The following RHOBTB2 variants were observed in gnomAD, a reference collection of about 807,000 sequenced individuals.
RHOBTB2 encodes the protein Rho related BTB domain containing 2, also known as rho-related BTB domain-containing protein 2.
A neutral mutation model predicts 66.5 loss-of-function variants in RHOBTB2; 39 were observed. The ratio of observed to expected loss-of-function variants is 0.59; its 90% confidence interval spans 0.45 to 0.77. The LOEUF (loss-of-function observed/expected upper bound fraction) is 0.77, where lower values mean the gene tolerates loss of function less well. RHOBTB2 is among the 30% of genes least tolerant of loss of function. The pLI is 0.00. For missense variants in RHOBTB2, 755 were observed against 999.1 expected (o/e 0.76, Z 3.29); for synonymous variants, 390 against 395.0 (o/e 0.99, Z 0.15).
the RHOBTB2 span, among the ~76,000 whole-genome samples, chr8:22,979,000 A>C: frequency 2.6e-5 from 4 of 152,298 alleles, no homozygotes; most frequent in African/African-American, 9.6e-5. Flanking sequence ...CTTTATTAGA[A>C]TCTTTTATGA....
chr8:23,004,570 C>G lies in RHOBTB2; in HGVS notation c.136C>G (p.Leu46Val). 1.2e-6 allele frequency: 2 copies of G among 1,614,178 alleles called. 1 individual carries two copies. Among genetic ancestry groups the G allele is most frequent in the South Asian group, 2.2e-5 (2 of 91,090 alleles). Reference protein sequence around the residue: ...CNATLTQYQLLATHVPTVWAI... With the variant: ...CNATLTQYQLVATHVPTVWAI... Reference sequence around the variant, plus strand: ...TGCCACCCTCACCCAGTACCAGCTGCTGGCCACGCATGTGCCCACAGTATG... The same window carrying G: ...TGCCACCCTCACCCAGTACCAGCTGGTGGCCACGCATGTGCCCACAGTATG... The change falls in exon 2 of 10, where the codon CTG (leucine) becomes GTG (valine). Residue 46 changes from leucine to valine, a missense_variant. Leu to Val is a conservative substitution (Grantham distance 32). Coordinates refer to ENST00000251822, the MANE Select transcript of RHOBTB2 (RefSeq NM_015178.3). The surrounding 1 kb of genome is among the most constrained non-coding windows in gnomAD (Gnocchi z 6.4).
chr8:22,960,649 C>T, the RHOBTB2 span, among the ~76,000 whole-genome samples: 1 of 152,116 alleles, frequency 6.6e-6, no homozygotes, highest in Admixed American at 6.6e-5. Flanking sequence ...AGGGTACAAT[C>T]TTTGGCTACA....
Position 23,017,587 on chromosome 8 carries a change from C to A in RHOBTB2, c.*118C>A. 1 of 1,456,014 alleles carries A rather than the reference C, an allele frequency of 6.9e-7. No individual in the cohort carries two copies. The allele number at this position is 1,456,014 out of a possible 1,614,324, so 90.2% of individuals were successfully genotyped here. A position where few individuals can be genotyped will look rare whatever the true frequency, so the allele number is the denominator to read the frequency against. Reference sequence around the variant, plus strand: ...CCAGGGGGCCCACGTAACCAGGACCCAGAGGGTGGAGCTCTTCTTACCAGC... The same window carrying A: ...CCAGGGGGCCCACGTAACCAGGACCAAGAGGGTGGAGCTCTTCTTACCAGC... On this transcript the variant is annotated 3_prime_UTR_variant, in exon 10 of 10. Coordinates refer to ENST00000251822, the MANE Select transcript of RHOBTB2 (RefSeq NM_015178.3). This position sits in a 1 kb window ranked among gnomAD's most constrained non-coding sequence, Gnocchi z 5.3.
At chr8:22,975,531 G>A in the RHOBTB2 span, among the ~76,000 whole-genome samples, 1 of 152,180 alleles carries the variant, frequency 6.6e-6, no homozygotes, top group East Asian at 1.9e-4. Context: ...GCCAGGGGAT[G>A]TGAACTAAAA....
At chr8:22,999,498 C>A, upstream of RHOBTB2, 2 of 1,010,566 alleles carry the variant, frequency 2.0e-6, no homozygotes, top group Non-Finnish European at 2.4e-6. Flanking sequence ...CCCCGCCCGC[C>A]CCCTCCCCGC....
At chr8:22,973,418 T>TG in the RHOBTB2 span, among the ~76,000 whole-genome samples, 2 of 151,872 alleles carry the variant, frequency 1.3e-5, no homozygotes, top group Non-Finnish European at 2.9e-5. Context: ...TGTGTAGAGA[T>TG]GGGGTCTCCT....
In RHOBTB2 at chr8:23,007,128, C is replaced by G. The variant is rs1466836877; in HGVS notation, c.883C>G (p.Leu295Val). ...LSTSSSKFYD[L>V]FLMDLSEGEL... Reference sequence around the variant, plus strand: ...CACCTCTTCCTCCAAGTTCTATGACCTGTTCCTCATGGACCTGAGTGAGGG... The same window carrying G: ...CACCTCTTCCTCCAAGTTCTATGACGTGTTCCTCATGGACCTGAGTGAGGG... The change falls in exon 5 of 10, where the codon CTG becomes GTG. Residue 295 changes from leucine to valine, a missense_variant. By Grantham distance (32) the Leu-to-Val change is conservative. Transcript: ENST00000251822. 2 of 1,609,510 alleles carry G rather than the reference C, an allele frequency of 1.2e-6. No homozygotes were observed. Among genetic ancestry groups the G allele is most frequent in the Non-Finnish European group, 1.7e-6 (2 of 1,179,836 alleles).
At chr8:22,967,753 T>C in the RHOBTB2 span, among the ~76,000 whole-genome samples, 1 of 151,766 alleles carries the variant, frequency 6.6e-6, no homozygotes, top group African/African-American at 2.4e-5. Flanking sequence ...TAAAGGAGTA[T>C]AGAGTCGTAG....
chr8:22,968,144 G>T, the RHOBTB2 span, among the ~76,000 whole-genome samples: 1 of 149,786 alleles, frequency 6.7e-6, no homozygotes, highest in South Asian at 2.1e-4. Flanking sequence ...GACAGAGTGA[G>T]ACCCTGTCTC....
the RHOBTB2 span, among the ~76,000 whole-genome samples, chr8:22,981,010 C>A: frequency 2.0e-5 from 3 of 152,300 alleles, no homozygotes; most frequent in East Asian, 5.8e-4. Context: ...AAGTATGATA[C>A]GTTATCTGTT....
At chr8:22,956,064 G>T in the RHOBTB2 span, among the ~76,000 whole-genome samples, 1 of 152,176 alleles carries the variant, frequency 6.6e-6, no homozygotes, top group Non-Finnish European at 1.5e-5. Flanking sequence ...AGTTCATGGG[G>T]TGTATTTTTT....
the RHOBTB2 span, among the ~76,000 whole-genome samples, chr8:22,971,445 A>G: frequency 1.8e-4 from 27 of 151,902 alleles, no homozygotes; most frequent in Non-Finnish European, 2.1e-4. Flanking sequence ...TCGACCTCCC[A>G]AAGTGCTGGG....
rs1255750423 is a variant in RHOBTB2 at position 23,017,552 on chromosome 8, C to G, written c.*83C>G. On this transcript the variant is annotated 3_prime_UTR_variant, in exon 10 of 10. Coordinates refer to ENST00000251822, the MANE Select transcript of RHOBTB2 (RefSeq NM_015178.3). The surrounding 1 kb of genome is among the most constrained non-coding windows in gnomAD (Gnocchi z 5.3). ...TGCTCTTCCGCATCACCCCATCCAC[C>G]TTACAGGGACCAGGGGGCCCACGTA... 1 of 1,527,108 alleles carries G rather than the reference C, an allele frequency of 6.5e-7. No individual in the cohort carries two copies. The highest frequency in any genetic ancestry group is 1.4e-5 in the African/African-American group (1 of 72,766). 94.6% of individuals were successfully genotyped at this position (1,527,108 alleles called of 1,614,324 possible).
intron 1 of RHOBTB2, among the ~76,000 whole-genome samples, chr8:22,989,157 C>G (rs1341396497): frequency 6.6e-6 from 1 of 151,748 alleles, no homozygotes; most frequent in Non-Finnish European, 1.5e-5. Flanking sequence ...TTTCCACTTT[C>G]TTTTTTTTGA....
chr8:23,005,940 C>T lies in RHOBTB2; in HGVS notation c.297-20C>T, dbSNP rs1401687013. 40 of 1,602,264 alleles carry T rather than the reference C, an allele frequency of 2.5e-5. No homozygotes were observed. The highest frequency in any genetic ancestry group is 3.3e-5 in the Non-Finnish European group (39 of 1,170,896). On this transcript the variant is annotated intron_variant, in intron 3 of 9. Coordinates refer to ENST00000251822, the MANE Select transcript of RHOBTB2 (RefSeq NM_015178.3). Reference sequence around the variant, plus strand: ...CTACCACTTGTTTCTCTGCCCGTAACCTTACTTTCCCACCCGCAGATCTGA... The same window carrying T: ...CTACCACTTGTTTCTCTGCCCGTAATCTTACTTTCCCACCCGCAGATCTGA...
the RHOBTB2 span, among the ~76,000 whole-genome samples, chr8:22,957,879 G>A: frequency 6.6e-6 from 1 of 152,142 alleles, no homozygotes; most frequent in African/African-American, 2.4e-5. Flanking sequence ...TCCAGGTGCT[G>A]GGGTGATTAC....
rs190340015 is a variant in RHOBTB2, at chr8:23,020,138, A to C, written c.*2669A>C. The stretch of plus-strand genomic sequence containing the variant: ...GGAGACAAAAACCACACCTCTTTTT[A>C]TATAAGGTTTCATATTTAATTTGGT... On this transcript the variant is annotated 3_prime_UTR_variant, in exon 10 of 10. Coordinates refer to ENST00000251822, the MANE Select transcript of RHOBTB2 (RefSeq NM_015178.3). 2.6e-6 allele frequency: 1 copy of C among 386,934 alleles called. No homozygotes were observed. The highest frequency in any genetic ancestry group is 2.1e-5 in the African/African-American group (1 of 47,678). 24.0% of individuals were successfully genotyped at this position (386,934 alleles called of 1,614,324 possible). A position where few individuals can be genotyped will look rare whatever the true frequency, so the allele number is the denominator to read the frequency against.
At chr8:22,968,825 C>T in the RHOBTB2 span, among the ~76,000 whole-genome samples, 1 of 149,424 alleles carries the variant, frequency 6.7e-6, no homozygotes, top group South Asian at 2.1e-4. Flanking sequence ...AAAAGTATAA[C>T]ATAATGAGAA....
At chr8:23,002,656 C>G (rs1408046507) in intron 1 of RHOBTB2, among the ~76,000 whole-genome samples, 1 of 152,206 alleles carries the variant, frequency 6.6e-6, no homozygotes, top group Non-Finnish European at 1.5e-5. Context: ...TGCCACTGCA[C>G]TCCAGCCTGG....
Sources: allele counts gnomAD v4.1 joint callset (sites outside exome capture counted in the v4.1 genomes callset), GRCh38; gene constraint gnomAD v4.1.1; non-coding constraint Gnocchi (gnomAD v3.1); transcripts MANE v1.5; gene names NCBI Gene and HGNC (gene_info 2026-07-23, HGNC 2026-07-21).